The following ULK4 variants were observed in gnomAD, a reference collection of about 807,000 sequenced individuals.
ULK4 encodes unc-51 like kinase 4.
A neutral mutation model predicts 160.6 loss-of-function variants in ULK4; 133 were observed. The ratio of observed to expected loss-of-function variants is 0.83; its 90% confidence interval spans 0.72 to 0.96. The LOEUF is 0.96. Among genes scored for constraint, ULK4 ranks in the 40% least tolerant of loss-of-function variants. ULK4 has a pLI of 0.00. For missense variants in ULK4, 1,580 were observed against 1,499.5 expected, an observed-to-expected ratio of 1.05 and a Z score of -0.89; for synonymous variants, 534 against 539.8, an observed-to-expected ratio of 0.99 and a Z score of 0.15.
chr3:41,530,249 T>C (rs1333898654), intron 32 of ULK4, among the ~76,000 whole-genome samples: 1 of 152,156 alleles, frequency 6.6e-6, no homozygotes, highest in African/African-American at 2.4e-5. Context: ...CTTAAAACTA[T>C]GAACCCTTAA....
intron 5 of ULK4, among the ~76,000 whole-genome samples, chr3:41,931,498 A>G (rs925139162): frequency 1.3e-5 from 2 of 151,560 alleles, no homozygotes; most frequent in Non-Finnish European, 2.9e-5. Flanking sequence ...AGAAAGAAAT[A>G]TGTTTCAACT....
chr3:41,425,091 G>C (rs1164044489), intron 34 of ULK4, among the ~76,000 whole-genome samples: 5 of 152,124 alleles, frequency 3.3e-5, no homozygotes, highest in African/African-American at 1.2e-4. Flanking sequence ...CCAGCTTACA[G>C]AGGAACATAA....
At chr3:41,653,389 G>A (rs1198909619) in intron 30 of ULK4, among the ~76,000 whole-genome samples, 5 of 152,092 alleles carry the variant, frequency 3.3e-5, no homozygotes, top group African/African-American at 4.8e-5. Flanking sequence ...GACTGGCCCT[G>A]GTTCTTCCTC....
intron 35 of ULK4, among the ~76,000 whole-genome samples, chr3:41,316,584 A>G (rs1451937870): frequency 6.6e-6 from 1 of 152,180 alleles, no homozygotes; most frequent in African/African-American, 2.4e-5. Flanking sequence ...GGGCATAAAG[A>G]TGGGAACAAC....
chr3:41,917,234 T>C (rs750550177), intron 7 of ULK4, among the ~76,000 whole-genome samples: 1 of 152,196 alleles, frequency 6.6e-6, no homozygotes, highest in Non-Finnish European at 1.5e-5. Context: ...CCACACATTG[T>C]GGCTCATACT....
chr3:41,392,370 C>T (rs1455014054), intron 35 of ULK4, among the ~76,000 whole-genome samples: 2 of 152,114 alleles, frequency 1.3e-5, no homozygotes, highest in African/African-American at 4.8e-5. Context: ...ATTAAACATC[C>T]TATTTCTTTG....
At chr3:41,383,998 G>A (rs1300004767) in intron 35 of ULK4, among the ~76,000 whole-genome samples, 1 of 152,084 alleles carries the variant, frequency 6.6e-6, no homozygotes, top group East Asian at 1.9e-4. Context: ...ACTTTAAAAA[G>A]TCAATGTGGG....
chr3:41,363,315 A>G (rs977209636), intron 35 of ULK4, among the ~76,000 whole-genome samples: 6 of 152,220 alleles, frequency 3.9e-5, no homozygotes, highest in Non-Finnish European at 8.8e-5. Flanking sequence ...GGGATCACCT[A>G]TCTTCATGCA....
At chr3:41,662,258 T>C (rs1317520825) in intron 30 of ULK4, among the ~76,000 whole-genome samples, 1 of 152,168 alleles carries the variant, frequency 6.6e-6, no homozygotes, top group Non-Finnish European at 1.5e-5. Context: ...TGCTTCCAAT[T>C]GGCAAAGATA....
intron 31 of ULK4, among the ~76,000 whole-genome samples, chr3:41,594,218 C>G (rs551227423): frequency 6.6e-6 from 1 of 152,158 alleles, no homozygotes; most frequent in African/African-American, 2.4e-5. Context: ...TGCATAGTTG[C>G]TTACTTATAC....
intron 21 of ULK4, among the ~76,000 whole-genome samples, chr3:41,777,455 C>T (rs2039668788): frequency 3.0e-5 from 1 of 32,916 alleles, no homozygotes; most frequent in Non-Finnish European, 5.1e-5. Flanking sequence ...TATTTCTTGC[C>T]TTCTGCTAGC....
rs571216298 is a variant in ULK4, at chr3:41,526,446, T to C, written c.3226+39579A>G. ...ATTCAGCCATAAGGTCCTGTCTAGT[T>C]CTGCCTAATGTGCTTCCTGAGATCA... is the stretch of plus-strand genomic sequence containing the variant. On this transcript the variant is annotated intron_variant, in intron 32 of 36. Coordinates refer to ENST00000301831, the MANE Select transcript of ULK4 (RefSeq NM_017886.4). 2.6e-5 allele frequency among the ~76,000 whole-genome samples: 4 copies of C among 152,310 alleles called. No homozygotes were observed. In the South Asian group the frequency reaches 6.2e-4, roughly 24 times the overall value.
At chr3:41,468,634 G>A (rs2083894964) in intron 32 of ULK4, among the ~76,000 whole-genome samples, 1 of 152,118 alleles carries the variant, frequency 6.6e-6, no homozygotes, top group Non-Finnish European at 1.5e-5. Context: ...GTGGTTTATG[G>A]AACTTTTCCA....
intron 35 of ULK4, among the ~76,000 whole-genome samples, chr3:41,284,564 C>A (rs891745316): frequency 6.6e-6 from 1 of 152,156 alleles, no homozygotes; most frequent in Non-Finnish European, 1.5e-5. Flanking sequence ...GAAACAGGAT[C>A]CTCATCTCTC....
At chr3:41,706,741 T>C (rs1479796658) in intron 25 of ULK4, among the ~76,000 whole-genome samples, 1 of 150,886 alleles carries the variant, frequency 6.6e-6, no homozygotes, top group East Asian at 2.0e-4. Context: ...GGCAGGAGAA[T>C]TGCTTGAGCC....
chr3:41,960,160 G>A (rs1404358560), intron 1 of ULK4, among the ~76,000 whole-genome samples: 1 of 151,740 alleles, frequency 6.6e-6, no homozygotes, highest in African/African-American at 2.4e-5. Flanking sequence ...AGCCCATCTT[G>A]AAATTTTGAA....
chr3:41,715,155 A>T, intron 25 of ULK4, 82 bp downstream of exon 25: 1 of 1,365,664 alleles, frequency 7.3e-7, no homozygotes, highest in Non-Finnish European at 1.0e-6. Flanking sequence ...TTTTTAAATT[A>T]CCTCATTCTG....
At position 41,556,857 on chromosome 3, in the gene ULK4, A is replaced by T. The variant is rs530277674; in HGVS notation, c.3226+9168T>A. Among the ~76,000 whole-genome samples the T allele has an allele frequency of 9.2e-5, 14 of 152,290 alleles. No homozygotes were observed. The South Asian group carries it at 1.5e-3, about 16-fold the overall frequency. ...AGAAATACAGAAAGAGGAAAAAAAA[A>T]TTTTAATGAAGCAATATAGCATTAA... On this transcript the variant is annotated intron_variant, in intron 32 of 36. Coordinates refer to ENST00000301831, the MANE Select transcript of ULK4 (RefSeq NM_017886.4).
intron 23 of ULK4, among the ~76,000 whole-genome samples, chr3:41,717,431 G>A (rs1331810149): frequency 2.6e-5 from 4 of 151,872 alleles, no homozygotes; most frequent in Non-Finnish European, 4.4e-5. Context: ...ACTAGCATAA[G>A]TCCAATTTTA....
Sources: gnomAD v4.1 joint callset for allele counts (sites outside exome capture counted in the v4.1 genomes callset) on GRCh38, gnomAD v4.1.1 for gene constraint, MANE v1.5 for transcripts, NCBI Gene and HGNC (gene_info 2026-07-23, HGNC 2026-07-21) for gene names.